GRAMD1C: variants seen among roughly 807,000 people sequenced by gnomAD.
GRAMD1C encodes protein Aster-C.
A neutral mutation model predicts 97.8 loss-of-function variants in GRAMD1C; 89 were observed. The ratio of observed to expected loss-of-function variants is 0.91; its 90% CI spans 0.77 to 1.09. The LOEUF (loss-of-function observed/expected upper bound fraction) is 1.09. GRAMD1C is among the 50% of genes least tolerant of loss of function. GRAMD1C has a pLI of 0.00. For synonymous variants in GRAMD1C, 256 were observed against 267.0 expected (o/e 0.96, Z 0.40); for missense variants, 740 against 766.4 (o/e 0.97, Z 0.41).
rs112564411 is a variant in GRAMD1C, at chr3:113,849,603, G to A, written c.174+4954G>A. Reference sequence around the variant, plus strand: ...ACAGCACATGTTTCAGAGAGCACAGGGTTGGGGGTAAGGTCACAGATCAAC... The same window carrying A: ...ACAGCACATGTTTCAGAGAGCACAGAGTTGGGGGTAAGGTCACAGATCAAC... On this transcript the variant is annotated intron_variant, in intron 2 of 17. Transcript: ENST00000358160. Among the ~76,000 whole-genome samples the A allele has an allele frequency of 2.3e-3, 351 of 152,122 alleles. 2 individuals are homozygous for A. Among genetic ancestry groups the A allele is most frequent in the African/African-American group, 8.2e-3 (339 of 41,496 alleles).
At chr3:113,944,264 G>A in intron 17 of GRAMD1C, among the ~76,000 whole-genome samples, 1 of 152,322 alleles carries the variant, frequency 6.6e-6, no homozygotes, top group South Asian at 2.1e-4. Flanking sequence ...GTTCCCTGAA[G>A]CTCTTTTATA....
At chr3:113,932,866 C>A (rs910668027) in intron 11 of GRAMD1C, among the ~76,000 whole-genome samples, 2 of 145,254 alleles carry the variant, frequency 1.4e-5, no homozygotes, top group African/African-American at 5.1e-5. Flanking sequence ...CCACCAACCC[C>A]AACTAATATT....
intron 6 of GRAMD1C, among the ~76,000 whole-genome samples, chr3:113,889,196 TTC>T (rs921987285): frequency 5.1e-5 from 3 of 58,824 alleles, no homozygotes; most frequent in Non-Finnish European, 1.1e-4. Flanking sequence ...GCAAAACTCC[TTC>T]TAAAAAAAAA....
chr3:113,897,630 A>C, intron 6 of GRAMD1C: 3 of 983,976 alleles, frequency 3.0e-6, no homozygotes, highest in Non-Finnish European at 3.6e-6. Context: ...ATTTTTACAT[A>C]GTTGTCATTA....
intron 2 of GRAMD1C, among the ~76,000 whole-genome samples, chr3:113,857,700 T>G (rs924249778): frequency 4.6e-5 from 7 of 152,272 alleles, no homozygotes; most frequent in Non-Finnish European, 8.8e-5. Flanking sequence ...TTAAGAGTTT[T>G]TAATCACAAA....
chr3:113,909,062 G>T lies in GRAMD1C; in HGVS notation c.894G>T (p.Leu298Phe). Residue 298 changes from leucine (L) to phenylalanine (F), a missense_variant, in exon 9 of 18, where the codon TTG becomes TTT. Physicochemically the swap from Leu to Phe is conservative, Grantham distance 22. Coordinates refer to ENST00000358160, the MANE Select transcript of GRAMD1C (RefSeq NM_017577.5). Reference protein sequence around the residue: ...LTRVPSKSLDLNKNEYLSLDK... With the variant: ...LTRVPSKSLDFNKNEYLSLDK... ...GAGTGCCATCAAAGTCACTGGACTT[G>T]AATAAAAATGAATATCTTTCTCTGG... 1 of 1,559,872 alleles carries T rather than the reference G, an allele frequency of 6.4e-7. No individual in the cohort carries two copies. The highest frequency in any genetic ancestry group is 8.7e-7 in the Non-Finnish European group (1 of 1,151,882).
At position 113,880,315 on chromosome 3, in the gene GRAMD1C, T is replaced by C. The variant is rs1406967261; in HGVS notation, c.460-2437T>C. ...TGGTATATATCTTTTCAGACTTCCT[T>C]TCTTTTTATTTACATACAGGCATGC... On this transcript the variant is annotated intron_variant, in intron 5 of 17. Coordinates refer to ENST00000358160, the MANE Select transcript of GRAMD1C (RefSeq NM_017577.5). 2.0e-5 allele frequency among the ~76,000 whole-genome samples: 3 copies of C among 152,314 alleles called. 1 individual carries two copies. The South Asian group carries it at 6.2e-4, about 32-fold the overall frequency.
chr3:113,908,401 A>C (rs1410035125), intron 8 of GRAMD1C, among the ~76,000 whole-genome samples: 1 of 152,208 alleles, frequency 6.6e-6, no homozygotes, highest in Non-Finnish European at 1.5e-5. Flanking sequence ...CTAATCTCTT[A>C]GTCCCTTTGC....
intron 2 of GRAMD1C, among the ~76,000 whole-genome samples, chr3:113,847,888 CACATG>C (rs1310137213): frequency 6.6e-6 from 1 of 152,198 alleles, no homozygotes; most frequent in African/African-American, 2.4e-5. Context: ...ATTCATAAGG[CACATG>C]ACCTGGTATG....
At chr3:113,939,347 C>G (rs1220601312) in intron 15 of GRAMD1C, 2 of 151,482 alleles carry the variant, frequency 1.3e-5, no homozygotes, top group Non-Finnish European at 2.9e-5. Context: ...GGACTTGATA[C>G]TTCCTTTGTG....
At chr3:113,909,622 A>T (rs1319687283) in intron 9 of GRAMD1C, among the ~76,000 whole-genome samples, 1 of 152,160 alleles carries the variant, frequency 6.6e-6, no homozygotes, top group Non-Finnish European at 1.5e-5. Flanking sequence ...TCCTCCTTTT[A>T]AAAAAAGACA....
intron 7 of GRAMD1C, among the ~76,000 whole-genome samples, chr3:113,902,749 C>A (rs1165994386): frequency 6.6e-6 from 1 of 151,682 alleles, no homozygotes; most frequent in Non-Finnish European, 1.5e-5. Context: ...TGGGTTCAAG[C>A]GATTCTCCTG....
At chr3:113,849,675 G>A (rs1433266628) in intron 2 of GRAMD1C, among the ~76,000 whole-genome samples, 1 of 152,164 alleles carries the variant, frequency 6.6e-6, no homozygotes, top group Non-Finnish European at 1.5e-5. Flanking sequence ...ACAAAATGAA[G>A]TCTCCCATGT....
intron 3 of GRAMD1C, among the ~76,000 whole-genome samples, chr3:113,871,744 CAAAAAAAAAA>C (rs1179822586): frequency 1.5e-5 from 1 of 65,410 alleles, no homozygotes; most frequent in Admixed American, 1.7e-4. Context: ...GACTCTGTCT[CAAAAAAAAAA>C]AAAAAAAAAA....
At chr3:113,919,490 C>T (rs1936957772) in intron 10 of GRAMD1C, 1 of 529,212 alleles carries the variant, frequency 1.9e-6, no homozygotes, top group African/African-American at 1.9e-5. Context: ...ATTTATAAAC[C>T]TAATGAAAGA....
intron 2 of GRAMD1C, among the ~76,000 whole-genome samples, chr3:113,848,675 C>G (rs1933721938): frequency 6.6e-6 from 1 of 152,076 alleles, no homozygotes; most frequent in Non-Finnish European, 1.5e-5. Context: ...GCTGTGGTGG[C>G]TTGCACCTGT....
Position 113,895,499 on chromosome 3 carries a change from G to A in GRAMD1C, c.541-5532G>A, listed in dbSNP as rs367870622. Reference sequence around the variant, plus strand: ...CATCCAGCTTTCTCCTTTAGCCTGCGCAACATTATCAAATCCCCTTGTTCT... The same window carrying A: ...CATCCAGCTTTCTCCTTTAGCCTGCACAACATTATCAAATCCCCTTGTTCT... On this transcript the variant is annotated intron_variant, in intron 6 of 17. Transcript: ENST00000358160. 4.6e-5 allele frequency among the ~76,000 whole-genome samples: 7 copies of A among 151,972 alleles called. No homozygotes were observed. In the East Asian group the frequency reaches 7.7e-4, roughly 17 times the overall value.
Position 113,940,231 on chromosome 3 carries a change from T to A in GRAMD1C, c.1803-9T>A. Reference sequence around the variant, plus strand: ...TCTCCAGATTTTGAAGATGGCATTTTTCTTTCAGTTTAGCCTCTGATATGG... The same window carrying A: ...TCTCCAGATTTTGAAGATGGCATTTATCTTTCAGTTTAGCCTCTGATATGG... On this transcript the variant is annotated splice_polypyrimidine_tract_variant and intron_variant, in intron 16 of 17. Transcript: ENST00000358160. The A allele has an allele frequency of 6.8e-7, 1 of 1,469,308 alleles. No homozygotes were observed. Among genetic ancestry groups the A allele is most frequent in the Non-Finnish European group, 9.5e-7 (1 of 1,051,172 alleles). The allele number at this position is 1,469,308 out of a possible 1,614,324, so 91.0% of individuals were successfully genotyped here.
At chr3:113,891,150 CTG>C (rs1935708959) in intron 6 of GRAMD1C, 1 of 164,654 alleles carries the variant, frequency 6.1e-6, no homozygotes. Context: ...AGAATGGTGT[CTG>C]TTTCTGCTCC....
Sources: allele counts gnomAD v4.1 joint callset (sites outside exome capture counted in the v4.1 genomes callset), GRCh38; gene constraint gnomAD v4.1.1; transcripts MANE v1.5; gene names NCBI Gene and HGNC (gene_info 2026-07-23, HGNC 2026-07-21).